Variants in PCDHA4 observed in about 807,000 individuals in gnomAD.
The protein encoded by PCDHA4 is protocadherin alpha 4.
Under a neutral mutation model 61.4 loss-of-function variants are expected in PCDHA4, and 49 were observed. The ratio of observed to expected loss-of-function variants is 0.80; its 90% CI spans 0.63 to 1.01. The LOEUF is 1.01. PCDHA4 is among the 50% of genes least tolerant of loss of function. The pLI, the probability that PCDHA4 is intolerant of heterozygous loss-of-function variation, is 0.00. For missense variants in PCDHA4, 1,254 were observed against 1,235.8 expected, an observed-to-expected ratio of 1.01 and a Z score of -0.22; for synonymous variants, 590 against 550.3, an observed-to-expected ratio of 1.07 and a Z score of -1.01.
chr5:140,884,057 G>A (rs141156800), intron 1 of PCDHA4: 6 of 1,613,540 alleles, frequency 3.7e-6, no homozygotes, highest in Non-Finnish European at 5.1e-6. Context: ...GGTGCGCGCG[G>A]TGGACGCCGA....
chr5:140,869,817 T>G, intron 1 of PCDHA4: 1 of 1,612,264 alleles, frequency 6.2e-7, no homozygotes, highest in Non-Finnish European at 8.5e-7. Flanking sequence ...TCAACGACAA[T>G]GATCCAGAGT....
At chr5:140,818,277 A>T (rs1766321566) in intron 1 of PCDHA4, among the ~76,000 whole-genome samples, 2 of 152,034 alleles carry the variant, frequency 1.3e-5, no homozygotes, top group African/African-American at 4.8e-5. Context: ...TCTTTGTTTC[A>T]TAATCCATGT....
chr5:140,870,903 A>G lies in PCDHA4; in HGVS notation c.2385+61331A>G, dbSNP rs182770106. On this transcript the variant is annotated intron_variant, in intron 1 of 3. Transcript: ENST00000530339. ...AGGTGCGCGCAGTGGATGCGGACTC[A>G]GGCTACAACGCGTGGCTTTCATATG... The G allele has an allele frequency of 1.9e-6, 3 of 1,613,930 alleles. No individual in the cohort carries two copies. In the East Asian group the frequency reaches 6.7e-5, roughly 36 times the overall value.
intron 1 of PCDHA4, among the ~76,000 whole-genome samples, chr5:140,950,273 T>G (rs1218178621): frequency 6.6e-5 from 10 of 152,008 alleles, no homozygotes; most frequent in African/African-American, 1.9e-4. Flanking sequence ...CCATAATGTC[T>G]TTTTGCTTCA....
chr5:140,835,543 G>A (rs2150237824), intron 1 of PCDHA4: 1 of 1,613,934 alleles, frequency 6.2e-7, no homozygotes, highest in African/African-American at 1.3e-5. Context: ...CAGGTTACCT[G>A]CTCCCTGACG....
chr5:140,864,161 T>A (rs1267371347), intron 1 of PCDHA4: 3 of 152,188 alleles, frequency 2.0e-5, no homozygotes, highest in African/African-American at 7.2e-5. Context: ...AGTTAAATCT[T>A]ACCGGAAGGA....
chr5:140,864,410 A>T (rs1310180872), intron 1 of PCDHA4: 3 of 152,244 alleles, frequency 2.0e-5, no homozygotes, highest in Admixed American at 6.5e-5. Flanking sequence ...AGCAGGGTTG[A>T]GGCAGCTTCG....
At chr5:140,821,498 G>A (rs1479155064) in intron 1 of PCDHA4, 2 of 316,372 alleles carry the variant, frequency 6.3e-6, no homozygotes, top group East Asian at 1.1e-4. Flanking sequence ...AAATATTGAC[G>A]AATATAAGCT....
chr5:140,973,391 A>G (rs1466546487), intron 1 of PCDHA4, among the ~76,000 whole-genome samples: 1 of 152,232 alleles, frequency 6.6e-6, no homozygotes, highest in East Asian at 1.9e-4. Context: ...AGACAAAGAA[A>G]TCATATCTAT....
At chr5:140,835,902 T>A (rs1774035162) in intron 1 of PCDHA4, 3 of 1,612,038 alleles carry the variant, frequency 1.9e-6, no homozygotes, top group Non-Finnish European at 2.5e-6. Flanking sequence ...GCTGTCGAGC[T>A]ACGTGTCAGT....
chr5:140,876,165 C>T (rs782073467), intron 1 of PCDHA4: 4 of 1,613,944 alleles, frequency 2.5e-6, no homozygotes, highest in Admixed American at 1.7e-5. Flanking sequence ...TTCAAATAAC[C>T]GTCCTGGATG....
At chr5:140,856,541 G>GCATT in intron 1 of PCDHA4, 4 of 1,598,164 alleles carry the variant, frequency 2.5e-6, no homozygotes, top group Non-Finnish European at 3.4e-6. Flanking sequence ...TGGAGAGAAC[G>GCATT]CATTGCTTAC....
At chr5:140,834,455 G>A (rs1554134225) in intron 1 of PCDHA4, 5 of 1,614,018 alleles carry the variant, frequency 3.1e-6, no homozygotes, top group Non-Finnish European at 4.2e-6. Context: ...TAGCAGCTTG[G>A]GAGGCAGGGA....
chr5:140,823,055 G>A, intron 1 of PCDHA4: 1 of 1,614,176 alleles, frequency 6.2e-7, no homozygotes, highest in Non-Finnish European at 8.5e-7. Flanking sequence ...GTGACCGCGC[G>A]GGACGGGGGC....
intron 1 of PCDHA4, among the ~76,000 whole-genome samples, chr5:140,895,167 T>G (rs1289758040): frequency 6.6e-6 from 1 of 152,186 alleles, no homozygotes; most frequent in African/African-American, 2.4e-5. Flanking sequence ...CAATCCAATC[T>G]ATTTGTAGTC....
intron 1 of PCDHA4, chr5:140,843,297 T>C: frequency 6.3e-7 from 1 of 1,595,944 alleles, no homozygotes; most frequent in Non-Finnish European, 8.6e-7. Context: ...GAACCTGCGC[T>C]GACCGCCACG....
rs949986485 is a variant in PCDHA4 at position 140,855,050 on chromosome 5, T to C, written c.2385+45478T>C. Among the ~76,000 whole-genome samples the C allele has an allele frequency of 5.5e-4, 83 of 150,048 alleles. 4 individuals are homozygous for C. The highest frequency in any genetic ancestry group is 1.9e-3 in the African/African-American group (78 of 41,034). On this transcript the variant is annotated intron_variant, in intron 1 of 3. Transcript: ENST00000530339. ...ATAAAGGATTTTTCTGTAATAGTAC[T>C]TTTCTGTTTTCTTAAATACAGAAAC... is the stretch of plus-strand genomic sequence containing the variant.
intron 1 of PCDHA4, chr5:140,843,055 C>A (rs2150351247): frequency 3.1e-6 from 5 of 1,595,020 alleles, no homozygotes; most frequent in Admixed American, 1.7e-5. Context: ...GCGCAGCGAG[C>A]AAGCTGGTGC....
At chr5:140,936,418 T>G (rs2090950050) in intron 1 of PCDHA4, among the ~76,000 whole-genome samples, 1 of 152,222 alleles carries the variant, frequency 6.6e-6, no homozygotes, top group African/African-American at 2.4e-5. Context: ...ATGTTACTAA[T>G]TTTAATTAAT....
Sources: gnomAD v4.1 joint callset for allele counts (sites outside exome capture counted in the v4.1 genomes callset) on GRCh38, gnomAD v4.1.1 for gene constraint, MANE v1.5 for transcripts, NCBI Gene and HGNC (gene_info 2026-07-23, HGNC 2026-07-21) for gene names.